Variants in ARHGEF16 observed in about 807,000 individuals in gnomAD.
ARHGEF16 encodes Rho guanine nucleotide exchange factor 16.
In ARHGEF16, 59 loss-of-function variants were observed where a neutral mutation model predicts 74.1. The observed-to-expected ratio is 0.80, with a 90% CI of 0.65 to 0.99. The LOEUF (loss-of-function observed/expected upper bound fraction) is 0.99, where lower values mean the gene tolerates loss of function less well. Among genes scored for constraint, ARHGEF16 ranks in the 50% least tolerant of loss-of-function variants. The probability of loss-of-function intolerance (pLI) is 0.00; values close to 1 mark genes in which losing one functional copy is unlikely to be tolerated. For synonymous variants in ARHGEF16, 415 were observed against 412.6 expected, an observed-to-expected ratio of 1.01 and a Z score of -0.07; for missense variants, 948 against 986.6, an observed-to-expected ratio of 0.96 and a Z score of 0.52.
intron 12 of ARHGEF16, 151 bp from the exon 13 acceptor site, chr1:3,479,366 C>A: frequency 1.2e-6 from 1 of 853,544 alleles, no homozygotes. Flanking sequence ...GGGGGTTAGC[C>A]TGCCTGGCAC....
intron 4 of ARHGEF16, 106 bp downstream of exon 4, chr1:3,467,443 C>G: frequency 3.0e-6 from 4 of 1,330,026 alleles, no homozygotes; most frequent in Non-Finnish European, 4.0e-6. Flanking sequence ...AGCAGCAGCC[C>G]AGTCCTCCCA....
chr1:3,478,763 A>G (rs2100762087), intron 12 of ARHGEF16, 151 bp downstream of exon 12: 2 of 914,680 alleles, frequency 2.2e-6, no homozygotes, highest in East Asian at 2.7e-5. Context: ...AGGTAGAGCC[A>G]GAAACAACAG....
rs1164763183 is a variant in ARHGEF16, at chr1:3,474,135, GATGC to G, written c.1306-567_1306-564del. 6 of 188,348 alleles carry G rather than the reference GATGC, an allele frequency of 3.2e-5. No homozygotes were observed. The South Asian group carries it at 6.1e-4, about 19-fold the overall frequency. The allele number at this position is 188,348 out of a possible 1,614,324, so 11.7% of individuals were successfully genotyped here. ...ACACTTGCACACACTGCATTGCACC[GATGC>G]ATGCACATGTGCACACAATGCACAC... On this transcript the variant is annotated intron_variant, in intron 8 of 14. Transcript: ENST00000378378.
In ARHGEF16 at chr1:3,473,126, G is replaced by C. The variant is rs373744834; in HGVS notation, c.1071G>C (p.Glu357Asp). The C allele has an allele frequency of 5.6e-6, 9 of 1,613,374 alleles. No individual in the cohort carries two copies. In the African/African-American group the frequency reaches 1.2e-4, roughly 22 times the overall value. Residue 357 changes from glutamate (E) to aspartate (D), a missense_variant, in exon 7 of 15, where the codon GAG (glutamate) becomes GAC (aspartate). Coordinates refer to ENST00000378378, the MANE Select transcript of ARHGEF16 (RefSeq NM_014448.4). ...GGCACAAGGCCCAGGTGCTGGTCGA[G>C]GACATCAGTGACATCCTGGAGGAGC... is the stretch of plus-strand genomic sequence containing the variant. ...EQRHKAQVLV[E>D]DISDILEEHA...
In ARHGEF16 at chr1:3,463,620, C is replaced by T. The variant is rs1214201854; in HGVS notation, c.536C>T (p.Ala179Val). Residue 179 changes from alanine to valine, a missense_variant, in exon 2 of 15, where the codon GCT becomes GTT. Physicochemically the swap from Ala to Val is moderately conservative, Grantham distance 64. Coordinates refer to ENST00000378378, the MANE Select transcript of ARHGEF16 (RefSeq NM_014448.4). ...DAIQLSPKLQ[A>V]LAEEPSQPHT... is the part of the protein sequence containing the mutation. ...ATCCAGCTAAGCCCTAAGCTCCAGG[C>T]TCTGGCTGAGGAACCCAGCCAGCCT... is the stretch of plus-strand genomic sequence containing the variant. 2 of 1,431,374 alleles carry T rather than the reference C, an allele frequency of 1.4e-6. No individual in the cohort carries two copies. Among genetic ancestry groups the T allele is most frequent in the Non-Finnish European group, 1.8e-6 (2 of 1,087,528 alleles). The allele number at this position is 1,431,374 out of a possible 1,614,324, so 88.7% of individuals were successfully genotyped here.
chr1:3,478,881 G>A (rs1461264113), intron 12 of ARHGEF16, among the ~76,000 whole-genome samples: 1 of 152,104 alleles, frequency 6.6e-6, no homozygotes, highest in Non-Finnish European at 1.5e-5. Context: ...GTGGGGTGCG[G>A]GGGGTGCCGT....
chr1:3,462,459 C>T (rs1557687020), intron 1 of ARHGEF16, among the ~76,000 whole-genome samples: 1 of 152,166 alleles, frequency 6.6e-6, no homozygotes, highest in African/African-American at 2.4e-5. Flanking sequence ...ACCTGCCCTC[C>T]CCCCAACCCA....
At chr1:3,471,085 GGTGT>G (rs1252243288) in intron 6 of ARHGEF16, among the ~76,000 whole-genome samples, 2 of 128,252 alleles carry the variant, frequency 1.6e-5, no homozygotes, top group African/African-American at 3.1e-5. Flanking sequence ...CATGGGCAGG[GGTGT>G]GTGTGCGTGG....
At chr1:3,456,929 G>A (rs1008378035) in intron 1 of ARHGEF16, among the ~76,000 whole-genome samples, 3 of 152,232 alleles carry the variant, frequency 2.0e-5, no homozygotes, top group Admixed American at 6.5e-5. Flanking sequence ...CCCCCACCGC[G>A]CAGGGTGGCT....
intron 10 of ARHGEF16, among the ~76,000 whole-genome samples, 187 bp from the exon 11 acceptor site, chr1:3,477,688 G>C (rs1025068334): frequency 6.6e-6 from 1 of 152,044 alleles, no homozygotes; most frequent in East Asian, 2.0e-4. Flanking sequence ...TTTGAGGCCC[G>C]GACACATTGT....
In ARHGEF16 at chr1:3,463,349, AT is replaced by A. The variant is rs1285765122; in HGVS notation, c.266del (p.Ile89ThrfsTer57). 5 of 1,549,982 alleles carry A rather than the reference AT, an allele frequency of 3.2e-6. No individual in the cohort carries two copies. The highest frequency in any genetic ancestry group is 4.4e-6 in the Non-Finnish European group (5 of 1,146,884). On this transcript the variant is annotated frameshift_variant, in exon 2 of 15. Coordinates refer to ENST00000378378, the MANE Select transcript of ARHGEF16 (RefSeq NM_014448.4). LOFTEE classifies it high-confidence loss of function. Reference sequence around the variant, plus strand: ...CCTCAAGCTGGGCACCCAACAGCTGATCCCTAAGAGCCTGGCTGTGGCCAGC... The same window carrying A: ...CCTCAAGCTGGGCACCCAACAGCTGACCCTAAGAGCCTGGCTGTGGCCAGC... ...AALKLGTQQL[I>X]PKSLAVASKA...
chr1:3,470,547 A>T (rs1639680825), intron 6 of ARHGEF16, among the ~76,000 whole-genome samples: 1 of 125,086 alleles, frequency 8.0e-6, no homozygotes, highest in African/African-American at 3.1e-5. Flanking sequence ...ATGCGTGGTC[A>T]GGGTTATGTG....
intron 6 of ARHGEF16, among the ~76,000 whole-genome samples, chr1:3,470,955 G>A (rs1639701941): frequency 7.3e-6 from 1 of 136,146 alleles, no homozygotes; most frequent in Non-Finnish European, 1.6e-5. Context: ...GGTGTGCGTG[G>A]GTGTGTGTGC....
intron 5 of ARHGEF16, 130 bp downstream of exon 5, chr1:3,469,066 C>A: frequency 1.7e-6 from 2 of 1,148,866 alleles, no homozygotes; most frequent in East Asian, 2.6e-5. Flanking sequence ...GGCCCTGTCA[C>A]GCTGACCAGC....
At chr1:3,477,020 G>A (rs1188507378) in intron 10 of ARHGEF16, among the ~76,000 whole-genome samples, 2 of 152,042 alleles carry the variant, frequency 1.3e-5, no homozygotes, top group African/African-American at 4.8e-5. Context: ...CCTGAGTGGG[G>A]CTCTCACCCC....
At chr1:3,463,022 G>A (rs1041985254) in intron 1 of ARHGEF16, 44 bp from the exon 2 acceptor site, 14 of 1,369,662 alleles carry the variant, frequency 1.0e-5, no homozygotes, top group Non-Finnish European at 1.4e-5. Flanking sequence ...CGCGGGGGCA[G>A]GGGAGAGCAG....
intron 6 of ARHGEF16, among the ~76,000 whole-genome samples, chr1:3,470,813 CATGGATGTGTGTGT>C (rs1193871163): frequency 8.4e-6 from 1 of 119,310 alleles, no homozygotes; most frequent in East Asian, 2.7e-4. Flanking sequence ...GGTGTATGTG[CATGGATGTGTGTGT>C]GGGCAGGGGT....
rs1639573112 is a variant in ARHGEF16 at position 3,467,270 on chromosome 1, A to G, written c.737A>G (p.Lys246Arg). ...DESSSPEGTQ[K>R]VDATIVVKSY... ...TCCTCCAGCCCCGAGGGAACCCAGA[A>G]GGTGGACGCCACCATTGTGGTCAAG... Residue 246 changes from lysine (K) to arginine (R), a missense_variant, in exon 4 of 15, where the codon AAG becomes AGG. Transcript: ENST00000378378. 2 of 1,550,324 alleles carry G rather than the reference A, an allele frequency of 1.3e-6. No homozygotes were observed. Among genetic ancestry groups the G allele is most frequent in the Non-Finnish European group, 1.7e-6 (2 of 1,146,906 alleles).
chr1:3,474,048 C>A (rs780020951), intron 8 of ARHGEF16: 1 of 191,426 alleles, frequency 5.2e-6, no homozygotes, highest in Non-Finnish European at 1.1e-5. Context: ...CACTCAGGCA[C>A]GTATGTGCCC....
Sources: allele counts gnomAD v4.1 joint callset (sites outside exome capture counted in the v4.1 genomes callset), GRCh38; gene constraint gnomAD v4.1.1; transcripts MANE v1.5; gene names NCBI Gene and HGNC (gene_info 2026-07-23, HGNC 2026-07-21).